Variants in EHD4 observed in about 807,000 individuals in gnomAD.
The protein encoded by EHD4 is EH domain-containing protein 4.
In EHD4, 37 loss-of-function variants were observed where a neutral mutation model predicts 51.0. The ratio of observed to expected loss-of-function variants is 0.73; its 90% CI spans 0.56 to 0.95. The LOEUF (loss-of-function observed/expected upper bound fraction) is 0.95. Among genes scored for constraint, EHD4 ranks in the 40% least tolerant of loss-of-function variants. The pLI is 0.00. For missense variants in EHD4, 632 were observed against 733.1 expected (o/e 0.86, Z 1.59); for synonymous variants, 297 against 317.3 (o/e 0.94, Z 0.68).
chr15:41,944,991 T>C (rs1338252809), intron 2 of EHD4, among the ~76,000 whole-genome samples: 1 of 152,042 alleles, frequency 6.6e-6, no homozygotes, highest in Non-Finnish European at 1.5e-5. Flanking sequence ...TCTTTGTAAG[T>C]TCACAGAAAA....
At chr15:41,917,725 A>T (rs1648820) in intron 4 of EHD4, among the ~76,000 whole-genome samples, 8,310 of 152,246 alleles carry the variant, frequency 0.055, 774 homozygotes, top group African/African-American at 0.19. Flanking sequence ...CGAGGGCAAA[A>T]TCATTTCAGG....
At chr15:41,907,874 ATATT>A (rs564856378) in intron 5 of EHD4, among the ~76,000 whole-genome samples, 1,468 of 69,014 alleles carry the variant, frequency 0.021, 34 homozygotes, top group Non-Finnish European at 0.029. Context: ...GTGTGTGTAT[ATATT>A]TATTTATTTT....
intron 2 of EHD4, among the ~76,000 whole-genome samples, chr15:41,944,637 G>T (rs778674299): frequency 6.6e-6 from 1 of 152,074 alleles, no homozygotes; most frequent in Admixed American, 6.5e-5. Context: ...TTTTCAAATC[G>T]GCCCAGGAAG....
rs1197287897 is a variant in EHD4, at chr15:41,899,301, C to T, written c.*1344G>A. On this transcript the variant is annotated 3_prime_UTR_variant, in exon 6 of 6. Transcript: ENST00000220325. ...GTGCCCACAGAGGGGGAGGCACCTC[C>T]ACCTGACGCAGGTGTCTGAGCAGCA... 1 of 152,186 alleles carries T rather than the reference C, an allele frequency of 6.6e-6. No homozygotes were observed. Among genetic ancestry groups the T allele is most frequent in the Non-Finnish European group, 1.5e-5 (1 of 68,032 alleles). The allele number at this position is 152,186 out of a possible 1,614,324, so 9.4% of individuals were successfully genotyped here. A position where few individuals can be genotyped will look rare whatever the true frequency, so the allele number is the denominator to read the frequency against.
chr15:41,960,919 C>A (rs774035415), intron 1 of EHD4, among the ~76,000 whole-genome samples: 1 of 152,092 alleles, frequency 6.6e-6, no homozygotes, highest in Admixed American at 6.6e-5. Flanking sequence ...GTGATCTGCC[C>A]GCCTCAGCCT....
At chr15:41,905,898 C>T (rs750540728) in intron 5 of EHD4, among the ~76,000 whole-genome samples, 7 of 152,234 alleles carry the variant, frequency 4.6e-5, no homozygotes, top group Admixed American at 1.3e-4. Context: ...TCTCCAACCC[C>T]TGGACTCAAG....
At chr15:41,932,639 TGGA>T (rs2067706447) in intron 3 of EHD4, among the ~76,000 whole-genome samples, 2 of 152,142 alleles carry the variant, frequency 1.3e-5, no homozygotes, top group Non-Finnish European at 2.9e-5. Flanking sequence ...CAAAAAGAAT[TGGA>T]GGAGTGCCAG....
At chr15:41,907,860 G>GTC (rs2067522915) in intron 5 of EHD4, among the ~76,000 whole-genome samples, 1 of 107,110 alleles carries the variant, frequency 9.3e-6, no homozygotes, top group Non-Finnish European at 1.9e-5. Context: ...GTGTGTGTGT[G>GTC]TGTGTGTGTG....
chr15:41,949,961 A>G (rs1298815524), intron 2 of EHD4, among the ~76,000 whole-genome samples: 2 of 152,110 alleles, frequency 1.3e-5, no homozygotes, highest in Non-Finnish European at 2.9e-5. Flanking sequence ...GCCTCCTGAT[A>G]GCAACCTCTG....
chr15:41,962,647 G>T lies in EHD4; in HGVS notation c.237-8707C>A, dbSNP rs185882536. Among the ~76,000 whole-genome samples the T allele has an allele frequency of 7.6e-4, 115 of 152,118 alleles. 2 individuals carry two copies. In the East Asian group the frequency reaches 0.021, roughly 27 times the overall value. ...TAATCCTATTTTAAAAAGAGCGCCC[G>T]GCCAGCCGCCCCGTCCGGGAGGGAG... is the stretch of plus-strand genomic sequence containing the variant. On this transcript the variant is annotated intron_variant, in intron 1 of 5. Transcript: ENST00000220325.
At chr15:41,944,285 C>T (rs527768252) in intron 2 of EHD4, among the ~76,000 whole-genome samples, 1 of 152,344 alleles carries the variant, frequency 6.6e-6, no homozygotes, top group South Asian at 2.1e-4. Flanking sequence ...TGCTTTGTTA[C>T]TTCCACCCTG....
At chr15:41,958,995 A>T (rs2141007395) in intron 1 of EHD4, among the ~76,000 whole-genome samples, 1 of 152,366 alleles carries the variant, frequency 6.6e-6, no homozygotes, top group South Asian at 2.1e-4. Flanking sequence ...TGTCCTGTGA[A>T]TCATAACAAA....
At chr15:41,908,012 A>G (rs1451816030) in intron 5 of EHD4, among the ~76,000 whole-genome samples, 3 of 151,828 alleles carry the variant, frequency 2.0e-5, no homozygotes, top group Non-Finnish European at 1.5e-5. Flanking sequence ...AGCTGTGATT[A>G]TAGCCACCAC....
intron 5 of EHD4, among the ~76,000 whole-genome samples, chr15:41,909,014 C>T (rs2067530996): frequency 6.6e-6 from 1 of 152,222 alleles, no homozygotes; most frequent in African/African-American, 2.4e-5. Context: ...ACTGTCAGCC[C>T]AGAAGCCAGA....
chr15:41,949,016 C>CTATATA (rs3035677), intron 2 of EHD4, among the ~76,000 whole-genome samples: 6,494 of 91,884 alleles, frequency 0.071, 312 homozygotes, highest in Admixed American at 0.13. Flanking sequence ...CAGAGTGAGA[C>CTATATA]TATATATATA....
At chr15:41,904,177 C>G (rs1469073117) in intron 5 of EHD4, among the ~76,000 whole-genome samples, 1 of 152,184 alleles carries the variant, frequency 6.6e-6, no homozygotes, top group African/African-American at 2.4e-5. Context: ...GCCCAGCAGA[C>G]AAAGGAGGGT....
chr15:41,957,893 G>A (rs2067898066), intron 1 of EHD4, among the ~76,000 whole-genome samples: 1 of 152,188 alleles, frequency 6.6e-6, no homozygotes, highest in Non-Finnish European at 1.5e-5. Flanking sequence ...CATGGAAAAA[G>A]GGAGAATGAA....
chr15:41,909,820 C>T lies in EHD4; in HGVS notation c.968G>A (p.Ser323Asn). ...IISYLKKEMPSVFGKENKKRE... is the reference protein window; with the variant it reads ...IISYLKKEMPNVFGKENKKRE... The stretch of plus-strand genomic sequence containing the variant: ...CTTCTTGTTTTCCTTTCCAAATACA[C>T]TTGGCATCTCCTTCTTCAGGTAGCT... Residue 323 changes from serine (S) to asparagine (N), a missense_variant, in exon 5 of 6, where the codon AGT (serine) becomes AAT (asparagine). By Grantham distance (46) the Ser-to-Asn change is conservative (BLOSUM62 1). Transcript: ENST00000220325. 6.2e-7 allele frequency: 1 copy of T among 1,614,246 alleles called. No homozygotes were observed. The highest frequency in any genetic ancestry group is 1.3e-5 in the African/African-American group (1 of 75,068).
chr15:41,908,896 C>T (rs2067530261), intron 5 of EHD4, among the ~76,000 whole-genome samples: 1 of 152,218 alleles, frequency 6.6e-6, no homozygotes, highest in Admixed American at 6.5e-5. Context: ...TGGGTGGTGG[C>T]TGCAGGCATC....
Sources: gnomAD v4.1 joint callset for allele counts (sites outside exome capture counted in the v4.1 genomes callset) on GRCh38, gnomAD v4.1.1 for gene constraint, MANE v1.5 for transcripts, NCBI Gene and HGNC (gene_info 2026-07-23, HGNC 2026-07-21) for gene names.